EXOC4: variants seen among roughly 807,000 people sequenced by gnomAD.
The protein encoded by EXOC4 is exocyst complex component 4, also known as SEC8-like 1.
A neutral mutation model predicts 107.2 loss-of-function variants in EXOC4; 71 were observed. That is an observed-to-expected ratio of 0.66 (90% CI 0.55 to 0.81). EXOC4 has a LOEUF of 0.81. Among genes scored for constraint, EXOC4 ranks in the 30% least tolerant of loss-of-function variants. EXOC4 has a pLI of 0.00. For missense variants in EXOC4, 1,108 were observed against 1,189.6 expected (o/e 0.93, Z 1.01); for synonymous variants, 456 against 441.2 (o/e 1.03, Z -0.42).
intron 7 of EXOC4, among the ~76,000 whole-genome samples, chr7:133,379,019 A>G (rs2150697038): frequency 6.6e-6 from 1 of 152,260 alleles, no homozygotes; most frequent in South Asian, 2.1e-4. Flanking sequence ...ATTTTTAAAT[A>G]ATTTTAAAAT....
intron 11 of EXOC4, among the ~76,000 whole-genome samples, chr7:133,859,174 C>T (rs570057623): frequency 3.3e-5 from 5 of 152,162 alleles, no homozygotes; most frequent in Non-Finnish European, 7.3e-5. Flanking sequence ...ACCACAGCTC[C>T]TGCTACATTT....
chr7:133,400,762 G>A (rs1035707725), intron 7 of EXOC4, among the ~76,000 whole-genome samples: 1 of 152,148 alleles, frequency 6.6e-6, no homozygotes, highest in South Asian at 2.1e-4. Context: ...AGGGGCTCTT[G>A]TGCCCTGTTT....
Position 133,823,485 on chromosome 7 carries a change from G to A in EXOC4, c.1734+5941G>A, listed in dbSNP as rs116834786. ...CTGTCCTTGATCTTTCTACTCCATC[G>A]TATCAGTTATTGCTGGCAGAGAGAG... On this transcript the variant is annotated intron_variant, in intron 11 of 17. Coordinates refer to ENST00000253861, the MANE Select transcript of EXOC4 (RefSeq NM_021807.4). Among the ~76,000 whole-genome samples, 296 of 152,018 alleles carry A rather than the reference G, an allele frequency of 1.9e-3. 1 individual carries two copies. Among genetic ancestry groups the A allele is most frequent in the African/African-American group, 6.8e-3 (284 of 41,472 alleles).
At chr7:133,278,258 T>C (rs2150528922) in intron 2 of EXOC4, among the ~76,000 whole-genome samples, 1 of 152,340 alleles carries the variant, frequency 6.6e-6, no homozygotes, top group Non-Finnish European at 1.5e-5. Flanking sequence ...CTGAGGATTG[T>C]TCTAGATTTT....
At chr7:133,654,716 G>A (rs2151038754) in intron 10 of EXOC4, among the ~76,000 whole-genome samples, 1 of 152,154 alleles carries the variant, frequency 6.6e-6, no homozygotes, top group South Asian at 2.1e-4. Flanking sequence ...CTTAACCATG[G>A]GGATGTGTTC....
chr7:133,816,293 A>C (rs951764672), intron 10 of EXOC4, among the ~76,000 whole-genome samples: 2 of 152,224 alleles, frequency 1.3e-5, no homozygotes, highest in African/African-American at 4.8e-5. Flanking sequence ...AAACCACACA[A>C]ATCAGGGCTG....
At chr7:133,820,154 ATTT>A (rs35640945) in intron 11 of EXOC4, among the ~76,000 whole-genome samples, 10 of 70,286 alleles carry the variant, frequency 1.4e-4, no homozygotes, top group East Asian at 3.6e-4. Context: ...CACCTGCTTC[ATTT>A]TTTTTTTTTT....
rs778718228 is a variant in EXOC4 at position 133,917,621 on chromosome 7, C to T, written c.1910C>T (p.Ala637Val). Residue 637 changes from alanine (A) to valine (V), a missense_variant, in exon 13 of 18, where the codon GCA becomes GTA. Transcript: ENST00000253861. The part of the protein sequence containing the change: ...VQSEEKLVIS[A>V]SWAKDDDISR... ...TCAGAAGAAAAACTTGTCATCAGTG[C>T]ATCCTGGGCAAAAGATGATGATATC... is the stretch of plus-strand genomic sequence containing the variant. 4.3e-6 allele frequency: 7 copies of T among 1,613,882 alleles called. No individual in the cohort carries two copies. The highest frequency in any genetic ancestry group is 5.9e-6 in the Non-Finnish European group (7 of 1,179,958).
At chr7:133,931,951 A>C (rs569090748) in intron 13 of EXOC4, among the ~76,000 whole-genome samples, 3 of 152,206 alleles carry the variant, frequency 2.0e-5, no homozygotes, top group Admixed American at 2.0e-4. Context: ...TAAATTATGC[A>C]TAATAGTTTT....
At chr7:133,323,684 G>A (rs967376463) in intron 5 of EXOC4, among the ~76,000 whole-genome samples, 19 of 152,036 alleles carry the variant, frequency 1.2e-4, no homozygotes, top group Non-Finnish European at 2.5e-4. Context: ...TTTTTGTTGC[G>A]CCTCTGTCAG....
intron 15 of EXOC4, among the ~76,000 whole-genome samples, chr7:134,003,625 C>T (rs573528066): frequency 4.6e-5 from 7 of 152,204 alleles, no homozygotes; most frequent in African/African-American, 1.2e-4. Context: ...TTCTTACCTC[C>T]GGTGAACCTT....
chr7:133,752,255 G>T (rs1167267939), intron 10 of EXOC4, among the ~76,000 whole-genome samples: 2 of 152,126 alleles, frequency 1.3e-5, no homozygotes, highest in Non-Finnish European at 2.9e-5. Flanking sequence ...CAGCACTTAA[G>T]AATTTAATTT....
chr7:133,664,985 A>C (rs907065560), intron 10 of EXOC4, among the ~76,000 whole-genome samples: 8 of 152,114 alleles, frequency 5.3e-5, no homozygotes, highest in Admixed American at 5.2e-4. Flanking sequence ...TACAGGCACC[A>C]TTTTACAGTG....
In EXOC4 at chr7:133,282,791, T is replaced by G. The variant is rs187083657; in HGVS notation, c.277-6131T>G. Among the ~76,000 whole-genome samples the G allele has an allele frequency of 3.8e-3, 580 of 152,328 alleles. 3 individuals carry two copies. Among genetic ancestry groups the G allele is most frequent in the Non-Finnish European group, 6.0e-3 (409 of 68,020 alleles). On this transcript the variant is annotated intron_variant, in intron 2 of 17. Transcript: ENST00000253861. ...TATCAGTTATTTGTGGTGAGAATACTTAGAATCTACCTTTTCATCAATTTT... is the reference window on the plus strand; with the variant it reads ...TATCAGTTATTTGTGGTGAGAATACGTAGAATCTACCTTTTCATCAATTTT...
intron 10 of EXOC4, among the ~76,000 whole-genome samples, chr7:133,642,074 A>G (rs1335391324): frequency 6.6e-6 from 1 of 152,186 alleles, no homozygotes; most frequent in Non-Finnish European, 1.5e-5. Context: ...ATGCAACTTC[A>G]ACATTCAGTG....
chr7:134,050,998 G>T (rs1795771839), intron 17 of EXOC4, among the ~76,000 whole-genome samples: 1 of 152,108 alleles, frequency 6.6e-6, no homozygotes, highest in South Asian at 2.1e-4. Flanking sequence ...GAATATGAAA[G>T]ATGTTGCATT....
intron 10 of EXOC4, among the ~76,000 whole-genome samples, chr7:133,693,624 C>G (rs1246055983): frequency 6.6e-6 from 1 of 152,060 alleles, no homozygotes; most frequent in Non-Finnish European, 1.5e-5. Context: ...AATCTGATTC[C>G]AGGGCCCACT....
intron 2 of EXOC4, among the ~76,000 whole-genome samples, chr7:133,277,975 A>T (rs1406563185): frequency 6.6e-6 from 1 of 152,220 alleles, no homozygotes; most frequent in Non-Finnish European, 1.5e-5. Flanking sequence ...GGGCTACGTT[A>T]TCTCAGAGCC....
chr7:133,977,110 A>G (rs1261773309), intron 14 of EXOC4, among the ~76,000 whole-genome samples: 1 of 152,254 alleles, frequency 6.6e-6, no homozygotes, highest in Non-Finnish European at 1.5e-5. Flanking sequence ...TTTGGAAGAT[A>G]CATTCAGTCT....
Sources: allele counts gnomAD v4.1 joint callset (sites outside exome capture counted in the v4.1 genomes callset), GRCh38; gene constraint gnomAD v4.1.1; transcripts MANE v1.5; gene names NCBI Gene and HGNC (gene_info 2026-07-23, HGNC 2026-07-21).